The following PIK3AP1 variants were observed in gnomAD, a reference collection of about 807,000 sequenced individuals.
PIK3AP1 encodes phosphoinositide-3-kinase adaptor protein 1.
In PIK3AP1, 21 loss-of-function variants were observed where a neutral mutation model predicts 88.1. The ratio of observed to expected loss-of-function variants is 0.24; its 90% CI spans 0.17 to 0.34. PIK3AP1 has a LOEUF of 0.34. PIK3AP1 is among the 10% of genes least tolerant of loss of function. The pLI is 1.00. For missense variants in PIK3AP1, 828 were observed against 1,035.7 expected, an observed-to-expected ratio of 0.80 and a Z score of 2.75; for synonymous variants, 398 against 400.0, an observed-to-expected ratio of 1.00 and a Z score of 0.06.
chr10:96,612,997 T>G (rs1311367796), intron 13 of PIK3AP1, among the ~76,000 whole-genome samples: 4 of 47,634 alleles, frequency 8.4e-5, no homozygotes, highest in African/African-American at 2.5e-4. Context: ...TTTTTTTTTT[T>G]TTTTTTTTTT....
In PIK3AP1 at chr10:96,609,764, C is replaced by G. The variant is rs774939316; in HGVS notation, c.2118G>C (p.Arg706Ser). 8 of 1,614,166 alleles carry G rather than the reference C, an allele frequency of 5.0e-6. No homozygotes were observed. The highest frequency in any genetic ancestry group is 6.8e-6 in the Non-Finnish European group (8 of 1,180,012). Residue 706 changes from arginine (R) to serine (S), a missense_variant, in exon 14 of 17, where the codon AGG (arginine) becomes AGC (serine). Coordinates refer to ENST00000339364, the MANE Select transcript of PIK3AP1 (RefSeq NM_152309.3). The part of the protein sequence containing the change: ...SGPRKSVIPP[R>S]TELRRGDWKT... Reference sequence around the variant, plus strand: ...TCCAGTCTCCTCGTCTCAGCTCCGTCCTAGGGGGAATGACACTTTTCCTGG... The same window carrying G: ...TCCAGTCTCCTCGTCTCAGCTCCGTGCTAGGGGGAATGACACTTTTCCTGG...
At chr10:96,690,508 C>T (rs990002482) in intron 2 of PIK3AP1, among the ~76,000 whole-genome samples, 1 of 152,184 alleles carries the variant, frequency 6.6e-6, no homozygotes, top group African/African-American at 2.4e-5. Context: ...ATACAATTCA[C>T]CTTGGCTCCC....
Position 96,628,468 on chromosome 10 carries a change from T to A in PIK3AP1, c.1401A>T (p.Thr467=), listed in dbSNP as rs1197639165. 2 of 1,613,082 alleles carry A rather than the reference T, an allele frequency of 1.2e-6. No individual in the cohort carries two copies. Among genetic ancestry groups the A allele is most frequent in the Admixed American group, 1.7e-5 (1 of 60,000 alleles). The change falls in exon 9 of 17, where the codon ACA becomes ACT. Residue 467 remains threonine, a synonymous_variant. Coordinates refer to ENST00000339364, the MANE Select transcript of PIK3AP1 (RefSeq NM_152309.3). ...AACCATCTCCAGGGATTGGGTTAGA[T>A]GTACTGGCCTGAAGCATTTCAACAT... is the stretch of plus-strand genomic sequence containing the variant. The part of the protein sequence containing the change: ...DLYVEMLQAS[T]SNPIPGDGFS...
At chr10:96,676,527 C>T (rs974995610) in intron 2 of PIK3AP1, among the ~76,000 whole-genome samples, 2 of 151,960 alleles carry the variant, frequency 1.3e-5, no homozygotes, top group African/African-American at 2.4e-5. Context: ...GACCAAGAAT[C>T]CAGACATAAG....
Position 96,709,979 on chromosome 10 carries a change from C to T in PIK3AP1, c.18G>A (p.Val6=), listed in dbSNP as rs1012050530. The T allele has an allele frequency of 1.9e-6, 3 of 1,576,946 alleles. No individual in the cohort carries two copies. The African/African-American group carries it at 4.0e-5, about 21-fold the overall frequency. Residue 6 remains valine (V), a synonymous_variant, in exon 2 of 17, where the codon GTG becomes GTA. Coordinates refer to ENST00000339364, the MANE Select transcript of PIK3AP1 (RefSeq NM_152309.3). The part of the protein sequence containing the change: MAASG[V]PRGCDILIVY... Reference sequence around the variant, plus strand: ...CGATGAGGATGTCGCATCCTCTGGGCACCCCTGGACAAGAATGAGGCACAG... The same window carrying T: ...CGATGAGGATGTCGCATCCTCTGGGTACCCCTGGACAAGAATGAGGCACAG...
chr10:96,717,281 C>T (rs1248846417), intron 1 of PIK3AP1, among the ~76,000 whole-genome samples: 1 of 148,290 alleles, frequency 6.7e-6, no homozygotes, highest in African/African-American at 2.5e-5. Context: ...AAAAAACTCA[C>T]TGGAGAGAAG....
chr10:96,629,332 G>C (rs1843205530), intron 8 of PIK3AP1, among the ~76,000 whole-genome samples: 1 of 151,984 alleles, frequency 6.6e-6, no homozygotes, highest in South Asian at 2.1e-4. Context: ...TTCTGGAAGT[G>C]GTTTACCTAT....
intron 6 of PIK3AP1, among the ~76,000 whole-genome samples, chr10:96,649,545 T>G (rs1843508873): frequency 6.6e-6 from 1 of 152,250 alleles, no homozygotes. Context: ...AAAGCTATTG[T>G]TTCGTGCTGA....
chr10:96,653,459 T>C (rs1589517420), intron 3 of PIK3AP1, among the ~76,000 whole-genome samples: 1 of 144,552 alleles, frequency 6.9e-6, no homozygotes, highest in Admixed American at 6.9e-5. Context: ...AAAAAAACCT[T>C]AAGGCCGATA....
intron 2 of PIK3AP1, among the ~76,000 whole-genome samples, chr10:96,693,165 G>A (rs1316576134): frequency 6.6e-6 from 1 of 152,130 alleles, no homozygotes; most frequent in African/African-American, 2.4e-5. Context: ...TTTCTCATCT[G>A]ACAGAATTTG....
At chr10:96,629,918 A>ACAAAAAC (rs1281064815) in intron 8 of PIK3AP1, among the ~76,000 whole-genome samples, 2 of 38,356 alleles carry the variant, frequency 5.2e-5, no homozygotes, top group Admixed American at 7.4e-4. Context: ...CCAAAAAAAA[A>ACAAAAAC]AAAAAAAAAA....
intron 8 of PIK3AP1, among the ~76,000 whole-genome samples, chr10:96,629,419 A>T (rs537008397): frequency 5.3e-5 from 8 of 152,214 alleles, no homozygotes; most frequent in Admixed American, 2.0e-4. Context: ...ATTTAATTTT[A>T]AAAAAATCTG....
chr10:96,716,400 A>T (rs535413401), intron 1 of PIK3AP1, among the ~76,000 whole-genome samples: 70 of 152,368 alleles, frequency 4.6e-4, no homozygotes, highest in African/African-American at 1.6e-3. Context: ...ACTGCCTCAG[A>T]CTAGTTAACA....
chr10:96,630,435 G>A lies in PIK3AP1; in HGVS notation c.1376-1942C>T, dbSNP rs138275845. 3.9e-3 allele frequency among the ~76,000 whole-genome samples: 587 copies of A among 152,214 alleles called. 17 individuals are homozygous for A. The highest frequency in any genetic ancestry group is 0.029 in the Admixed American group (438 of 15,296). ...TAAACATATTCTGATAAGAACTCACGCCTAATTCATTCTTTAAAAATTCAA... is the reference window on the plus strand; with the variant it reads ...TAAACATATTCTGATAAGAACTCACACCTAATTCATTCTTTAAAAATTCAA... On this transcript the variant is annotated intron_variant, in intron 8 of 16. Transcript: ENST00000339364.
At chr10:96,687,612 C>T (rs537700686) in intron 2 of PIK3AP1, among the ~76,000 whole-genome samples, 1 of 152,254 alleles carries the variant, frequency 6.6e-6, no homozygotes, top group South Asian at 2.1e-4. Flanking sequence ...CTTCTTGTCC[C>T]GCTTTCTCTA....
At chr10:96,701,357 C>A (rs1483929054) in intron 2 of PIK3AP1, among the ~76,000 whole-genome samples, 1 of 152,070 alleles carries the variant, frequency 6.6e-6, no homozygotes, top group Non-Finnish European at 1.5e-5. Context: ...CTTTCTAGGC[C>A]CAAAGGCCCT....
At chr10:96,699,237 G>A (rs572600150) in intron 2 of PIK3AP1, among the ~76,000 whole-genome samples, 1 of 152,210 alleles carries the variant, frequency 6.6e-6, no homozygotes, top group South Asian at 2.1e-4. Flanking sequence ...CCTATTCTCT[G>A]AAAAGTAAAC....
chr10:96,681,656 C>A (rs1469619432), intron 2 of PIK3AP1, among the ~76,000 whole-genome samples: 1 of 152,108 alleles, frequency 6.6e-6, no homozygotes, highest in African/African-American at 2.4e-5. Context: ...CATGAAGGCA[C>A]CGAACCGGAG....
At chr10:96,627,024 C>A (rs1404221419) in intron 9 of PIK3AP1, 119 bp from the exon 10 acceptor site, 28 of 918,798 alleles carry the variant, frequency 3.0e-5, no homozygotes, top group Non-Finnish European at 4.9e-5. Flanking sequence ...TGGCAAAGGA[C>A]TTTCCCCAAT....
Sources: gnomAD v4.1 joint callset for allele counts (sites outside exome capture counted in the v4.1 genomes callset) on GRCh38, gnomAD v4.1.1 for gene constraint, MANE v1.5 for transcripts, NCBI Gene and HGNC (gene_info 2026-07-23, HGNC 2026-07-21) for gene names.